The following CAMSAP3 variants were observed in gnomAD, a reference collection of about 807,000 sequenced individuals.
CAMSAP3 encodes the protein calmodulin-regulated spectrin-associated protein 3.
Under a neutral mutation model 112.5 loss-of-function variants are expected in CAMSAP3, and 34 were observed. The ratio of observed to expected loss-of-function variants is 0.30; its 90% CI spans 0.23 to 0.40. The LOEUF (loss-of-function observed/expected upper bound fraction) is 0.40, where lower values mean the gene tolerates loss of function less well. Among genes scored for constraint, CAMSAP3 ranks in the 10% least tolerant of loss-of-function variants. CAMSAP3 has a pLI of 1.00. For missense variants in CAMSAP3, 1,602 were observed against 1,770.3 expected, an observed-to-expected ratio of 0.90 and a Z score of 1.71; for synonymous variants, 868 against 799.8, an observed-to-expected ratio of 1.09 and a Z score of -1.44.
Position 7,596,137 on chromosome 19 carries a change from G to A in CAMSAP3, c.135G>A (p.Ala45=). Residue 45 remains alanine (A), a synonymous_variant, in exon 1 of 17, where the codon GCG becomes GCA. Coordinates refer to ENST00000160298, the MANE Select transcript of CAMSAP3 (RefSeq NM_020902.2). ...GCCTGGCGTGGGTGCTGCGGGCCGC[G>A]TTCGGGGGCGCAGGTACCGGGGCTC... The part of the protein sequence containing the change: ...AASLAWVLRA[A]FGGAEHVPPE... 2 of 1,172,182 alleles carry A rather than the reference G, an allele frequency of 1.7e-6. No individual in the cohort carries two copies. Among genetic ancestry groups the A allele is most frequent in the Non-Finnish European group, 1.1e-6 (1 of 928,420 alleles). 72.6% of individuals were successfully genotyped at this position (1,172,182 alleles called of 1,614,324 possible). A position where few individuals can be genotyped will look rare whatever the true frequency, so the allele number is the denominator to read the frequency against.
At chr19:7,602,061 C>CAA (rs146945264) in intron 1 of CAMSAP3, among the ~76,000 whole-genome samples, 14 of 144,204 alleles carry the variant, frequency 9.7e-5, no homozygotes, top group African/African-American at 2.0e-4. Context: ...AAGATTGTCT[C>CAA]AAAAAAAAAA....
rs2024425237 is a variant in CAMSAP3 at position 7,595,897 on chromosome 19, C to CA, written c.-106_-105insA. The CA allele has an allele frequency of 4.4e-5, 21 of 480,798 alleles. No individual in the cohort carries two copies. Among genetic ancestry groups the CA allele is most frequent in the South Asian group, 8.3e-5 (1 of 12,084 alleles). The allele number at this position is 480,798 out of a possible 1,614,324, so 29.8% of individuals were successfully genotyped here. A position where few individuals can be genotyped will look rare whatever the true frequency, so the allele number is the denominator to read the frequency against. Reference sequence around the variant, plus strand: ...TCAGCAGCGGCGGCGGCGGCGGCGGCGGCAGCGGCGGTAGCAGCAGCGGGC... The same window carrying CA: ...TCAGCAGCGGCGGCGGCGGCGGCGGCAGGCAGCGGCGGTAGCAGCAGCGGGC... On this transcript the variant is annotated 5_prime_UTR_variant, in exon 1 of 17. Coordinates refer to ENST00000160298, the MANE Select transcript of CAMSAP3 (RefSeq NM_020902.2).
chr19:7,603,376 A>G (rs908666997), intron 1 of CAMSAP3, among the ~76,000 whole-genome samples: 5 of 151,898 alleles, frequency 3.3e-5, no homozygotes, highest in African/African-American at 9.7e-5. Flanking sequence ...CACCATGCCC[A>G]GCTCATTTTT....
At chr19:7,605,178 T>TGTGTGTGTGTGTG in intron 1 of CAMSAP3, 48 bp from the exon 2 acceptor site, 2 of 792,588 alleles carry the variant, frequency 2.5e-6, no homozygotes, top group Non-Finnish European at 1.7e-6. Flanking sequence ...GTGTGTGTGT[T>TGTGTGTGTGTGTG]GTATCTGGTG....
rs2030908667 is a variant in CAMSAP3 at position 7,618,041 on chromosome 19, G to A, written c.3734G>A (p.Gly1245Asp). The change falls in exon 17 of 17, where the codon GGC becomes GAC. Residue 1245 changes from glycine to aspartate, a missense_variant. Gly to Asp is a moderately conservative substitution (Grantham distance 94). Coordinates refer to ENST00000160298, the MANE Select transcript of CAMSAP3 (RefSeq NM_020902.2). ...AAACCCACCACTCCCAAGAAGGGCGGCGGCACCCCCAAATAGCCCCACCCG... is the reference window on the plus strand; with the variant it reads ...AAACCCACCACTCCCAAGAAGGGCGACGGCACCCCCAAATAGCCCCACCCG... ...GKKPTTPKKG[G>D]GTPK 6.2e-7 allele frequency: 1 copy of A among 1,612,622 alleles called. No individual in the cohort carries two copies. The highest frequency in any genetic ancestry group is 8.5e-7 in the Non-Finnish European group (1 of 1,179,266).
rs868511702 is a variant in CAMSAP3, at chr19:7,599,554, T to C, written c.148+3404T>C. On this transcript the variant is annotated intron_variant, in intron 1 of 16. Transcript: ENST00000160298. ...TCCATCCTTCCACCCACCCATTCATTCATCCATCCATCCATCCATCCATCC... is the reference window on the plus strand; with the variant it reads ...TCCATCCTTCCACCCACCCATTCATCCATCCATCCATCCATCCATCCATCC... 1.5e-3 allele frequency among the ~76,000 whole-genome samples: 42 copies of C among 27,730 alleles called. 2 individuals are homozygous for C. The highest frequency in any genetic ancestry group is 9.1e-3 in the South Asian group (3 of 330). 18.2% of individuals were successfully genotyped at this position (27,730 alleles called of 152,430 possible).
At chr19:7,606,909 C>T (rs2030255901) in intron 4 of CAMSAP3, 31 of 1,291,156 alleles carry the variant, frequency 2.4e-5, no homozygotes, top group Non-Finnish European at 3.4e-5. Flanking sequence ...CCCTCTCATA[C>T]CTCCCCAAGC....
Position 7,607,919 on chromosome 19 carries a change from G to C in CAMSAP3, c.622-207G>C, listed in dbSNP as rs1410186208. The C allele has an allele frequency of 1.7e-5, 14 of 806,308 alleles. No homozygotes were observed. In the South Asian group the frequency reaches 2.1e-4, roughly 12 times the overall value. 49.9% of individuals were successfully genotyped at this position (806,308 alleles called of 1,614,324 possible). On this transcript the variant is annotated intron_variant, in intron 4 of 16. Coordinates refer to ENST00000160298, the MANE Select transcript of CAMSAP3 (RefSeq NM_020902.2). The surrounding 1 kb of genome is among the most constrained non-coding windows in gnomAD (Gnocchi z 4.9). Reference sequence around the variant, plus strand: ...CCAGGAGTCCCTGTCCCCAGCCCCCGCTGCTGGCCTGGCTGCTCGAAGACA... The same window carrying C: ...CCAGGAGTCCCTGTCCCCAGCCCCCCCTGCTGGCCTGGCTGCTCGAAGACA...
chr19:7,611,512 C>T lies in CAMSAP3; in HGVS notation c.1124-5C>T. 1 of 1,609,172 alleles carries T rather than the reference C, an allele frequency of 6.2e-7. No homozygotes were observed. Among genetic ancestry groups the T allele is most frequent in the South Asian group, 1.1e-5 (1 of 90,596 alleles). Reference sequence around the variant, plus strand: ...CCCATAGTGACCACTCATCGCCTCCCCCAGGCTCCCTGAAGTCTTCCCCGT... The same window carrying T: ...CCCATAGTGACCACTCATCGCCTCCTCCAGGCTCCCTGAAGTCTTCCCCGT... On this transcript the variant is annotated splice_polypyrimidine_tract_variant and splice_region_variant and intron_variant, in intron 9 of 16. Coordinates refer to ENST00000160298, the MANE Select transcript of CAMSAP3 (RefSeq NM_020902.2). This position sits in a 1 kb window ranked among gnomAD's most constrained non-coding sequence, Gnocchi z 6.9.
rs544205075 is a variant in CAMSAP3, at chr19:7,601,903, A to C, written c.149-3323A>C. On this transcript the variant is annotated intron_variant, in intron 1 of 16. Transcript: ENST00000160298. ...ACGTGGTGAAACCCCATCTCTACTAAAAATACAAAAAGTAGCCGGGCATGG... is the reference window on the plus strand; with the variant it reads ...ACGTGGTGAAACCCCATCTCTACTACAAATACAAAAAGTAGCCGGGCATGG... 4.0e-5 allele frequency among the ~76,000 whole-genome samples: 6 copies of C among 151,272 alleles called. No homozygotes were observed. In the South Asian group the frequency reaches 1.3e-3, roughly 32 times the overall value.
chr19:7,596,949 G>A (rs984376246), intron 1 of CAMSAP3, among the ~76,000 whole-genome samples: 1 of 152,078 alleles, frequency 6.6e-6, no homozygotes, highest in Non-Finnish European at 1.5e-5. Flanking sequence ...CTAATGGGGA[G>A]GATGCCGTAA....
At chr19:7,609,718 A>G (rs533536411) in intron 5 of CAMSAP3, among the ~76,000 whole-genome samples, 2 of 152,302 alleles carry the variant, frequency 1.3e-5, no homozygotes, top group Admixed American at 1.3e-4. Flanking sequence ...GGGAGCCCTG[A>G]GCTTGTTCCT....
chr19:7,604,461 C>T (rs930089820), intron 1 of CAMSAP3, among the ~76,000 whole-genome samples: 8 of 152,124 alleles, frequency 5.3e-5, no homozygotes, highest in African/African-American at 1.9e-4. Flanking sequence ...ATTCCTCCTG[C>T]ACCCAAGCTC....
At position 7,595,880 on chromosome 19, in the gene CAMSAP3, G is replaced by C; in HGVS notation, c.-123G>C. ...AAGCGGCCGCACCTGGCTCAGCAGC[G>C]GCGGCGGCGGCGGCGGCGGCAGCGG... On this transcript the variant is annotated 5_prime_UTR_variant, in exon 1 of 17. Transcript: ENST00000160298. 1 of 98,404 alleles carries C rather than the reference G, an allele frequency of 1.0e-5. No individual in the cohort carries two copies. Among genetic ancestry groups the C allele is most frequent in the African/African-American group, 2.9e-5 (1 of 34,110 alleles). The allele number at this position is 98,404 out of a possible 1,614,324, so 6.1% of individuals were successfully genotyped here. A position where few individuals can be genotyped will look rare whatever the true frequency, so the allele number is the denominator to read the frequency against.
chr19:7,604,440 C>G (rs563416243), intron 1 of CAMSAP3, among the ~76,000 whole-genome samples: 1 of 152,242 alleles, frequency 6.6e-6, no homozygotes, highest in East Asian at 1.9e-4. Context: ...AATTTCACCC[C>G]TTCACCTCCC....
At chr19:7,614,896 C>T in intron 11 of CAMSAP3, 1 of 547,994 alleles carries the variant, frequency 1.8e-6, no homozygotes, top group South Asian at 2.1e-5. Flanking sequence ...TGTAGAGTGT[C>T]TGTGCCCAAC....
At position 7,611,935 on chromosome 19, in the gene CAMSAP3, G is replaced by T. The variant is rs1201572456; in HGVS notation, c.1442G>T (p.Gly481Val). The T allele has an allele frequency of 1.3e-6, 2 of 1,595,382 alleles. No homozygotes were observed. Among genetic ancestry groups the T allele is most frequent in the Non-Finnish European group, 1.7e-6 (2 of 1,169,252 alleles). ...CTCCTCCCAGATGGGGCGGCCGACGGCAGCTTCTACCTCCACTCCCCTGAG... is the reference window on the plus strand; with the variant it reads ...CTCCTCCCAGATGGGGCGGCCGACGTCAGCTTCTACCTCCACTCCCCTGAG... Reference protein sequence around the residue: ...PRLLPDGAADGSFYLHSPEGP... With the variant: ...PRLLPDGAADVSFYLHSPEGP... The change falls in exon 11 of 17, where the codon GGC becomes GTC. Residue 481 changes from glycine to valine, a missense_variant. Physicochemically the swap from Gly to Val is moderately radical, Grantham distance 109. Around this residue, in one of 6 missense-constraint regions of CAMSAP3, gnomAD observed 1,100 missense variants for 1,135.7 expected, o/e 0.97. Transcript: ENST00000160298. This position sits in a 1 kb window ranked among gnomAD's most constrained non-coding sequence, Gnocchi z 6.9.
rs749078169 is a variant in CAMSAP3 at position 7,596,059 on chromosome 19, C to G, written c.57C>G (p.Pro19=). ...CGCTGCGGAGGACCTTTCTAGTGCC[C>G]GAGATCAAGTCGCTGGACCAGTACG... ...PGPLRRTFLV[P]EIKSLDQYDF... Residue 19 remains proline (P), a synonymous_variant, in exon 1 of 17, where the codon CCC becomes CCG. Coordinates refer to ENST00000160298, the MANE Select transcript of CAMSAP3 (RefSeq NM_020902.2). 18 of 1,280,550 alleles carry G rather than the reference C, an allele frequency of 1.4e-5. No individual in the cohort carries two copies. The South Asian group carries it at 2.5e-4, about 18-fold the overall frequency. The allele number at this position is 1,280,550 out of a possible 1,614,324, so 79.3% of individuals were successfully genotyped here. A position where few individuals can be genotyped will look rare whatever the true frequency, so the allele number is the denominator to read the frequency against.
intron 1 of CAMSAP3, among the ~76,000 whole-genome samples, chr19:7,602,235 C>G (rs566475047): frequency 1.3e-5 from 2 of 151,954 alleles, no homozygotes; most frequent in African/African-American, 4.8e-5. Context: ...AGAGATTTTG[C>G]TAAACATCTC....
Sources: gnomAD v4.1 joint callset for allele counts (sites outside exome capture counted in the v4.1 genomes callset) on GRCh38, gnomAD v4.1.1 for gene constraint, gnomAD v4.1.1 regional missense constraint, Gnocchi (gnomAD v3.1) non-coding constraint, MANE v1.5 for transcripts, NCBI Gene and HGNC (gene_info 2026-07-23, HGNC 2026-07-21) for gene names.